Variants in WAC observed in about 807,000 individuals in gnomAD.
WAC encodes the protein WW domain containing adaptor with coiled-coil.
A neutral mutation model predicts 79.6 loss-of-function variants in WAC; 11 were observed. That is an observed-to-expected ratio of 0.14 (90% CI 0.09 to 0.23). WAC has a LOEUF of 0.23. Among genes scored for constraint, WAC ranks in the 10% least tolerant of loss-of-function variants. The pLI, the probability that WAC is intolerant of heterozygous loss-of-function variation, is 1.00. For missense variants in WAC, 728 were observed against 773.5 expected (o/e 0.94, Z 0.70); for synonymous variants, 304 against 276.9 (o/e 1.10, Z -0.97).
In WAC at chr10:28,621,395, TC is replaced by T. The variant is rs1001926457; in HGVS notation, c.*1790del. 2.0e-5 allele frequency: 3 copies of T among 152,154 alleles called. No homozygotes were observed. Among genetic ancestry groups the T allele is most frequent in the African/African-American group, 7.2e-5 (3 of 41,442 alleles). The allele number at this position is 152,154 out of a possible 1,614,324, so 9.4% of individuals were successfully genotyped here. A position where few individuals can be genotyped will look rare whatever the true frequency, so the allele number is the denominator to read the frequency against. On this transcript the variant is annotated 3_prime_UTR_variant, in exon 14 of 14. Coordinates refer to ENST00000354911, the MANE Select transcript of WAC (RefSeq NM_016628.5). ...TATTGAAAGTATGGAAGTTAAATGT[TC>T]AGGCTTTTCAGTAAGCTCAAAAAGT...
At chr10:28,592,142 CATATTAAAGAACATT>C (rs1440603101) in intron 6 of WAC, among the ~76,000 whole-genome samples, 1 of 152,078 alleles carries the variant, frequency 6.6e-6, no homozygotes, top group Non-Finnish European at 1.5e-5. Context: ...CTGAAGTTGG[CATATTAAAGAACATT>C]GAATTTTGAG....
intron 4 of WAC, among the ~76,000 whole-genome samples, chr10:28,585,239 A>T (rs969852257): frequency 1.3e-5 from 2 of 152,134 alleles, no homozygotes; most frequent in Non-Finnish European, 1.5e-5. Flanking sequence ...AGTAGCATAG[A>T]GGAGGAGCCC....
chr10:28,601,913 G>C (rs997739703), intron 7 of WAC, among the ~76,000 whole-genome samples: 1 of 152,166 alleles, frequency 6.6e-6, no homozygotes, highest in African/African-American at 2.4e-5. Context: ...GTGGGAGTGG[G>C]TGTTAAGTTT....
chr10:28,600,622 G>A (rs1840595725), intron 7 of WAC, among the ~76,000 whole-genome samples: 1 of 151,996 alleles, frequency 6.6e-6, no homozygotes, highest in African/African-American at 2.4e-5. Flanking sequence ...AGAAATAACT[G>A]ATAAAAAATA....
At chr10:28,567,919 T>G (rs1294091956) in intron 3 of WAC, among the ~76,000 whole-genome samples, 2 of 152,088 alleles carry the variant, frequency 1.3e-5, no homozygotes, top group Non-Finnish European at 2.9e-5. Context: ...CACACCGTTG[T>G]AGAGATGGGG....
intron 3 of WAC, among the ~76,000 whole-genome samples, chr10:28,568,900 C>G (rs1838796828): frequency 6.6e-6 from 1 of 152,066 alleles, no homozygotes; most frequent in Non-Finnish European, 1.5e-5. Context: ...GTTGGGAATT[C>G]CAACACCCAG....
intron 3 of WAC, among the ~76,000 whole-genome samples, chr10:28,548,268 T>C (rs1837472885): frequency 6.6e-6 from 1 of 152,152 alleles, no homozygotes; most frequent in Non-Finnish European, 1.5e-5. Context: ...CCTGAATGCT[T>C]AGTGCCTTTT....
At chr10:28,588,760 A>G (rs1839943126) in intron 4 of WAC, 1 of 152,138 alleles carries the variant, frequency 6.6e-6, no homozygotes, top group Non-Finnish European at 1.5e-5. Flanking sequence ...ACAATTCTAC[A>G]TATTTATGGG....
chr10:28,545,046 A>C (rs1411662112), intron 3 of WAC, among the ~76,000 whole-genome samples: 1 of 151,520 alleles, frequency 6.6e-6, no homozygotes, highest in African/African-American at 2.4e-5. Context: ...GTCTCAAAAA[A>C]AAAAAAAAAA....
intron 3 of WAC, among the ~76,000 whole-genome samples, chr10:28,571,379 G>A (rs1460677017): frequency 6.6e-6 from 1 of 152,036 alleles, no homozygotes; most frequent in Non-Finnish European, 1.5e-5. Context: ...AGTATCCAAG[G>A]CCCCTTAGTA....
intron 3 of WAC, among the ~76,000 whole-genome samples, chr10:28,562,596 A>G (rs1175800855): frequency 6.6e-6 from 1 of 152,206 alleles, no homozygotes; most frequent in African/African-American, 2.4e-5. Flanking sequence ...CTGAATTTGA[A>G]TATATTTTCA....
chr10:28,584,188 T>C (rs889388754), intron 4 of WAC, among the ~76,000 whole-genome samples: 1 of 152,144 alleles, frequency 6.6e-6, no homozygotes, highest in Non-Finnish European at 1.5e-5. Flanking sequence ...TAAAGTTGCT[T>C]TGGAGGGTGC....
At chr10:28,604,738 C>T (rs1407707421) in intron 7 of WAC, among the ~76,000 whole-genome samples, 1 of 152,124 alleles carries the variant, frequency 6.6e-6, no homozygotes, top group African/African-American at 2.4e-5. Context: ...AAAGATACAA[C>T]ACAATTCCTC....
At chr10:28,568,942 T>G (rs576874142) in intron 3 of WAC, among the ~76,000 whole-genome samples, 1 of 152,296 alleles carries the variant, frequency 6.6e-6, no homozygotes, top group East Asian at 1.9e-4. Context: ...TATATGTCCC[T>G]GTGATTACAT....
At chr10:28,601,802 T>C (rs568363601) in intron 7 of WAC, among the ~76,000 whole-genome samples, 8 of 152,118 alleles carry the variant, frequency 5.3e-5, no homozygotes, top group Non-Finnish European at 1.2e-4. Context: ...GCAGGACACA[T>C]ATTTTATGAT....
chr10:28,571,271 A>C (rs1838948837), intron 3 of WAC, among the ~76,000 whole-genome samples: 1 of 152,126 alleles, frequency 6.6e-6, no homozygotes, highest in South Asian at 2.1e-4. Flanking sequence ...TGATGCCGCG[A>C]GTACTATTCA....
At position 28,595,858 on chromosome 10, in the gene WAC, G is replaced by C. The variant is rs369249829; in HGVS notation, c.736G>C (p.Val246Leu). 1.1e-4 allele frequency: 179 copies of C among 1,614,024 alleles called. No individual in the cohort carries two copies. The highest frequency in any genetic ancestry group is 1.4e-4 in the Non-Finnish European group (164 of 1,180,012). ...AGAGACTCACAGTAGTTCTACGCCA[G>C]TACAGCACCCCATCAAACCAGTGGT... is the stretch of plus-strand genomic sequence containing the variant. ...RAETHSSSTP[V>L]QHPIKPVVHP... is the part of the protein sequence containing the mutation. The change falls in exon 7 of 14, where the codon GTA becomes CTA. Residue 246 changes from valine to leucine, a missense_variant. Around this residue, in one of 3 missense-constraint regions of WAC, gnomAD observed 648 missense variants for 661.5 expected, o/e 0.98. Transcript: ENST00000354911.
chr10:28,575,774 C>G (rs372437092), intron 3 of WAC, among the ~76,000 whole-genome samples: 2 of 152,156 alleles, frequency 1.3e-5, no homozygotes, highest in African/African-American at 4.8e-5. Flanking sequence ...TTTTCACTTT[C>G]TGGTAGTGTC....
At position 28,595,970 on chromosome 10, in the gene WAC, A is replaced by C; in HGVS notation, c.848A>C (p.Asn283Thr). Residue 283 changes from asparagine (N) to threonine (T), a missense_variant, in exon 7 of 14, where the codon AAT becomes ACT. Physicochemically the swap from Asn to Thr is moderately conservative, Grantham distance 65. This residue lies in a region of WAC where 648 missense variants were observed against 661.5 expected (regional missense o/e 0.98). Transcript: ENST00000354911. ...CAGCCAAAGAAATCATTTGATGCTAATGGAGCATCTACTTTATCAAAACTG... is the reference window on the plus strand; with the variant it reads ...CAGCCAAAGAAATCATTTGATGCTACTGGAGCATCTACTTTATCAAAACTG... ...DHQPKKSFDANGASTLSKLPT... is the reference protein window; with the variant it reads ...DHQPKKSFDATGASTLSKLPT... 2.5e-6 allele frequency: 4 copies of C among 1,614,144 alleles called. No homozygotes were observed. The highest frequency in any genetic ancestry group is 3.4e-6 in the Non-Finnish European group (4 of 1,180,000).
Sources: allele counts gnomAD v4.1 joint callset (sites outside exome capture counted in the v4.1 genomes callset), GRCh38; gene constraint gnomAD v4.1.1; regional missense constraint gnomAD v4.1.1; transcripts MANE v1.5; gene names NCBI Gene and HGNC (gene_info 2026-07-23, HGNC 2026-07-21).